Variants in ZBTB20 observed in about 807,000 individuals in gnomAD.
ZBTB20 encodes the protein zinc finger and BTB domain containing 20.
ZBTB20 carries 9 observed loss-of-function variants against 56.9 expected under a neutral mutation model. The ratio of observed to expected loss-of-function variants is 0.16; its 90% CI spans 0.10 to 0.28. The LOEUF (loss-of-function observed/expected upper bound fraction) is 0.28, where lower values mean the gene tolerates loss of function less well. Ranked by LOEUF, ZBTB20 falls within the 10% of genes least tolerant of loss-of-function variation. The pLI is 1.00. For synonymous variants in ZBTB20, 417 were observed against 420.7 expected (o/e 0.99, Z 0.11); for missense variants, 655 against 1,003.0 (o/e 0.65, Z 4.69).
chr3:114,767,323 A>G (rs542114199), intron 5 of ZBTB20, among the ~76,000 whole-genome samples: 1 of 152,210 alleles, frequency 6.6e-6, no homozygotes, highest in East Asian at 1.9e-4. Flanking sequence ...GAGCACTAGT[A>G]CTTCTGCAGA....
chr3:114,781,782 G>A (rs1315774906), intron 5 of ZBTB20, among the ~76,000 whole-genome samples: 4 of 152,110 alleles, frequency 2.6e-5, no homozygotes, highest in Non-Finnish European at 4.4e-5. Context: ...TACTGTTCTC[G>A]TGGTAGTGAA....
chr3:114,438,189 A>G (rs2090649681), intron 7 of ZBTB20, among the ~76,000 whole-genome samples: 1 of 152,120 alleles, frequency 6.6e-6, no homozygotes, highest in African/African-American at 2.4e-5. Flanking sequence ...GGGGTCTGAG[A>G]GAGGCAGAAG....
At chr3:114,918,586 T>C (rs758065121) in intron 3 of ZBTB20, among the ~76,000 whole-genome samples, 5 of 152,142 alleles carry the variant, frequency 3.3e-5, no homozygotes, top group Admixed American at 6.5e-5. Flanking sequence ...AGGTGATGAA[T>C]CCTGCCAGGG....
At chr3:114,749,568 AAAGG>A (rs71146333) in intron 5 of ZBTB20, among the ~76,000 whole-genome samples, 68,023 of 135,660 alleles carry the variant, frequency 0.5, 18,679 homozygotes, top group Non-Finnish European at 0.62. Flanking sequence ...GAAAGAAAGA[AAAGG>A]AAGGAAGGAA....
At chr3:114,412,500 G>A (rs531541339) in intron 7 of ZBTB20, among the ~76,000 whole-genome samples, 3 of 152,110 alleles carry the variant, frequency 2.0e-5, no homozygotes, top group Non-Finnish European at 4.4e-5. Flanking sequence ...CAAACCTGAA[G>A]GGATTTCTCA....
chr3:114,652,521 A>G (rs1367986950), intron 6 of ZBTB20, among the ~76,000 whole-genome samples: 2 of 152,144 alleles, frequency 1.3e-5, no homozygotes, highest in East Asian at 3.9e-4. Flanking sequence ...ATAACTAGGA[A>G]TGTAATTACC....
intron 6 of ZBTB20, among the ~76,000 whole-genome samples, chr3:114,655,035 T>C (rs1394125981): frequency 6.6e-6 from 1 of 152,138 alleles, no homozygotes; most frequent in Non-Finnish European, 1.5e-5. Flanking sequence ...TGTTATTACA[T>C]TTAAAGTGTA....
At chr3:114,571,357 C>T (rs1381272583) in intron 6 of ZBTB20, among the ~76,000 whole-genome samples, 2 of 152,132 alleles carry the variant, frequency 1.3e-5, no homozygotes, top group Non-Finnish European at 2.9e-5. Flanking sequence ...AACTATTGTT[C>T]TAAAATTCAA....
chr3:114,731,820 G>A lies in ZBTB20; in HGVS notation c.-342-38245C>T, dbSNP rs111981441. ...CTAGATTAGTAACTAATCCGGCTGT[G>A]CCTAGATTAGTAACTAATCCGGCTG... On this transcript the variant is annotated intron_variant, in intron 5 of 11. Transcript: ENST00000675478. Among the ~76,000 whole-genome samples the A allele has an allele frequency of 7.6e-3, 1,041 of 137,862 alleles. 5 individuals are homozygous for A. Among genetic ancestry groups the A allele is most frequent in the Middle Eastern group, 0.012 (3 of 252 alleles). 90.4% of individuals were successfully genotyped at this position (137,862 alleles called of 152,430 possible). A position where few individuals can be genotyped will look rare whatever the true frequency, so the allele number is the denominator to read the frequency against.
chr3:115,019,031 T>A (rs994323851), intron 2 of ZBTB20, among the ~76,000 whole-genome samples: 3 of 151,296 alleles, frequency 2.0e-5, no homozygotes, highest in Admixed American at 6.6e-5. Flanking sequence ...GATTGTGTGA[T>A]TTTTTTGTCC....
At chr3:115,064,534 C>T (rs533721590) in intron 2 of ZBTB20, among the ~76,000 whole-genome samples, 2 of 148,668 alleles carry the variant, frequency 1.3e-5, no homozygotes, top group Non-Finnish European at 3.0e-5. Flanking sequence ...TCACTGCAAC[C>T]TCCGCCTCCC....
At chr3:115,055,466 G>T (rs888763867) in intron 2 of ZBTB20, among the ~76,000 whole-genome samples, 50 of 152,224 alleles carry the variant, frequency 3.3e-4, no homozygotes, top group African/African-American at 1.2e-3. Context: ...CTGACCCACA[G>T]AAATAGTGAG....
intron 6 of ZBTB20, among the ~76,000 whole-genome samples, chr3:114,577,737 T>A (rs563968311): frequency 1.3e-5 from 2 of 152,170 alleles, no homozygotes; most frequent in African/African-American, 2.4e-5. Flanking sequence ...AAACAGCTTA[T>A]ATAGGGCTGC....
intron 5 of ZBTB20, among the ~76,000 whole-genome samples, chr3:114,765,003 A>G (rs1322056592): frequency 6.6e-6 from 1 of 152,202 alleles, no homozygotes; most frequent in African/African-American, 2.4e-5. Context: ...ACATGGGAAG[A>G]AAACACTTTC....
rs2069477446 is a variant in ZBTB20 at position 114,774,944 on chromosome 3, T to C, written c.-343+26157A>G. Among the ~76,000 whole-genome samples the C allele has an allele frequency of 9.2e-5, 14 of 152,284 alleles. No homozygotes were observed. The South Asian group carries it at 2.9e-3, about 32-fold the overall frequency. ...AAAAGAAAAGAAAAAACTTCCAGCA[T>C]GCTCCCTTCCTTCTCTATTCTGAGC... On this transcript the variant is annotated intron_variant, in intron 5 of 11. Transcript: ENST00000675478.
At chr3:114,864,754 TTTTAAAAG>T (rs2075691191) in intron 4 of ZBTB20, among the ~76,000 whole-genome samples, 3 of 152,112 alleles carry the variant, frequency 2.0e-5, no homozygotes, top group Non-Finnish European at 4.4e-5. Context: ...CGGAGTTAAA[TTTTAAAAG>T]AAATTGAGAA....
intron 7 of ZBTB20, among the ~76,000 whole-genome samples, chr3:114,406,157 C>A (rs1172986500): frequency 1.3e-5 from 2 of 152,030 alleles, no homozygotes; most frequent in African/African-American, 2.4e-5. Context: ...GCACAGTGAC[C>A]AAATACGTCC....
intron 3 of ZBTB20, among the ~76,000 whole-genome samples, chr3:114,936,381 CT>C (rs1160645894): frequency 6.6e-6 from 1 of 152,108 alleles, no homozygotes; most frequent in Non-Finnish European, 1.5e-5. Context: ...ACTACTGCTG[CT>C]GGCAAATCAT....
chr3:114,559,306 C>T (rs1379637713), intron 6 of ZBTB20, among the ~76,000 whole-genome samples: 1 of 152,158 alleles, frequency 6.6e-6, no homozygotes, highest in Non-Finnish European at 1.5e-5. Context: ...TTTCCCTGCA[C>T]ATTAGGATTA....
Sources: gnomAD v4.1 joint callset for allele counts (sites outside exome capture counted in the v4.1 genomes callset) on GRCh38, gnomAD v4.1.1 for gene constraint, MANE v1.5 for transcripts, NCBI Gene and HGNC (gene_info 2026-07-23, HGNC 2026-07-21) for gene names.